CSMD1: variants seen among roughly 807,000 people sequenced by gnomAD.
CSMD1 encodes CUB and sushi domain-containing protein 1.
CSMD1 carries 213 observed loss-of-function variants against 417.5 expected under a neutral mutation model. The ratio of observed to expected loss-of-function variants is 0.51; its 90% CI spans 0.46 to 0.57. The LOEUF is 0.57. Ranked by LOEUF, CSMD1 falls within the 20% of genes least tolerant of loss-of-function variation. The probability of loss-of-function intolerance (pLI) is 0.00; values close to 1 mark genes in which losing one functional copy is unlikely to be tolerated. For missense variants in CSMD1, 6,923 were observed against 4,529.7 expected (o/e 1.53, Z -15.17); for synonymous variants, 2,862 against 1,736.8 (o/e 1.65, Z -16.11).
At chr8:4,038,628 T>G (rs1797736264) in intron 3 of CSMD1, among the ~76,000 whole-genome samples, 2 of 152,208 alleles carry the variant, frequency 1.3e-5, no homozygotes, top group East Asian at 3.8e-4. Flanking sequence ...ACCTACTGAG[T>G]TGACATAAAC....
intron 5 of CSMD1, among the ~76,000 whole-genome samples, chr8:3,966,781 A>C (rs549548621): frequency 9.2e-5 from 14 of 152,038 alleles, no homozygotes; most frequent in Admixed American, 2.6e-4. Flanking sequence ...ACACTGATTT[A>C]TAGGTCTTAG....
At chr8:3,845,531 G>T (rs1365159257) in intron 5 of CSMD1, among the ~76,000 whole-genome samples, 1 of 152,294 alleles carries the variant, frequency 6.6e-6, no homozygotes, top group East Asian at 1.9e-4. Flanking sequence ...GGAGCTTGCA[G>T]GACCAGAAGT....
chr8:4,105,341 T>C (rs369490905), intron 3 of CSMD1, among the ~76,000 whole-genome samples: 30 of 152,208 alleles, frequency 2.0e-4, no homozygotes, highest in African/African-American at 7.0e-4. Flanking sequence ...TTCTGAATTT[T>C]TTTTTTATGT....
intron 6 of CSMD1, among the ~76,000 whole-genome samples, chr8:3,743,148 G>T (rs570937125): frequency 6.6e-6 from 1 of 152,306 alleles, no homozygotes; most frequent in South Asian, 2.1e-4. Context: ...AAGGTCTTCA[G>T]GCTCCAAAAG....
intron 7 of CSMD1, among the ~76,000 whole-genome samples, chr8:3,706,921 A>T (rs10095031): frequency 0.38 from 58,091 of 151,986 alleles, 11,406 homozygotes; most frequent in East Asian, 0.56. Context: ...ATCCTTTTCC[A>T]ATCTAATTTC....
chr8:4,721,313 T>C (rs1306074125), intron 1 of CSMD1, among the ~76,000 whole-genome samples: 1 of 152,200 alleles, frequency 6.6e-6, no homozygotes, highest in Non-Finnish European at 1.5e-5. Context: ...ATTTTGTAGT[T>C]GGTGGGTTTG....
chr8:4,854,331 G>T (rs887840189), intron 1 of CSMD1, among the ~76,000 whole-genome samples: 1 of 152,236 alleles, frequency 6.6e-6, no homozygotes, highest in Non-Finnish European at 1.5e-5. Flanking sequence ...CTCATAAATG[G>T]CTTCCTGCTG....
Position 4,416,259 on chromosome 8 carries a change from C to T in CSMD1, c.415+3694G>A, listed in dbSNP as rs116071490. ...GATTATGTACAAAACTTCTATTTTC[C>T]GAAAGCTACTGGATCATAAAGAATA... On this transcript the variant is annotated intron_variant, in intron 3 of 69. Transcript: ENST00000635120. Among the ~76,000 whole-genome samples the T allele has an allele frequency of 8.0e-3, 1,223 of 152,092 alleles. 12 individuals are homozygous for T. The highest frequency in any genetic ancestry group is 0.027 in the African/African-American group (1,121 of 41,498).
At chr8:3,885,564 A>G (rs1336174274) in intron 5 of CSMD1, among the ~76,000 whole-genome samples, 1 of 152,182 alleles carries the variant, frequency 6.6e-6, no homozygotes, top group Non-Finnish European at 1.5e-5. Context: ...TCCACCTAGT[A>G]ATGAAATTAG....
intron 5 of CSMD1, among the ~76,000 whole-genome samples, chr8:3,948,873 AAACT>A (rs1315209815): frequency 1.3e-5 from 2 of 152,132 alleles, no homozygotes; most frequent in Non-Finnish European, 2.9e-5. Context: ...CATTATTCAG[AAACT>A]AACAAAAAAG....
intron 5 of CSMD1, among the ~76,000 whole-genome samples, chr8:3,911,101 G>C (rs1019321006): frequency 1.3e-5 from 2 of 152,146 alleles, no homozygotes; most frequent in African/African-American, 2.4e-5. Context: ...CACCTTGGCA[G>C]CTGTGGTTTA....
At chr8:4,778,394 C>T (rs1796980161) in intron 1 of CSMD1, among the ~76,000 whole-genome samples, 1 of 152,104 alleles carries the variant, frequency 6.6e-6, no homozygotes, top group South Asian at 2.1e-4. Flanking sequence ...TCATTCCTTT[C>T]AATTTATTGA....
chr8:3,456,391 C>T (rs569118838), intron 12 of CSMD1, among the ~76,000 whole-genome samples: 73 of 152,216 alleles, frequency 4.8e-4, no homozygotes, highest in South Asian at 8.3e-4. Flanking sequence ...GCATCCCTCA[C>T]GCTGGGAGCT....
At chr8:3,777,125 C>G (rs1270890086) in intron 5 of CSMD1, among the ~76,000 whole-genome samples, 11 of 7,538 alleles carry the variant, frequency 1.5e-3, no homozygotes, top group Non-Finnish European at 8.2e-3. Context: ...TATACCTACA[C>G]ACACACACAC....
intron 1 of CSMD1, among the ~76,000 whole-genome samples, chr8:4,841,147 T>C (rs1180253591): frequency 2.0e-5 from 3 of 152,218 alleles, no homozygotes; most frequent in Non-Finnish European, 2.9e-5. Flanking sequence ...ACTGAATGCA[T>C]ATATAAATAA....
intron 51 of CSMD1, among the ~76,000 whole-genome samples, chr8:3,019,372 A>C (rs774532419): frequency 6.6e-6 from 1 of 152,226 alleles, no homozygotes; most frequent in Non-Finnish European, 1.5e-5. Flanking sequence ...AGAATTACAT[A>C]GTAGTAATTA....
intron 52 of CSMD1, among the ~76,000 whole-genome samples, chr8:3,017,664 G>C (rs902893371): frequency 6.6e-6 from 1 of 152,030 alleles, no homozygotes; most frequent in Non-Finnish European, 1.5e-5. Flanking sequence ...CTTTCATCTT[G>C]TTTCTTCAAA....
At chr8:3,688,866 G>A (rs1210606146) in intron 7 of CSMD1, among the ~76,000 whole-genome samples, 1 of 151,988 alleles carries the variant, frequency 6.6e-6, no homozygotes, top group Admixed American at 6.6e-5. Context: ...AGAATAGAGA[G>A]ATCAGAAATA....
intron 10 of CSMD1, among the ~76,000 whole-genome samples, chr8:3,536,435 G>A (rs944334378): frequency 7.2e-5 from 11 of 152,202 alleles, no homozygotes; most frequent in African/African-American, 2.2e-4. Context: ...TCAGAAAGCA[G>A]GTTCACCAAT....
Sources: allele counts gnomAD v4.1 joint callset (sites outside exome capture counted in the v4.1 genomes callset), GRCh38; gene constraint gnomAD v4.1.1; transcripts MANE v1.5; gene names NCBI Gene and HGNC (gene_info 2026-07-23, HGNC 2026-07-21).